The following CSMD3 variants were observed in gnomAD, a reference collection of about 807,000 sequenced individuals.
The protein encoded by CSMD3 is CUB and Sushi multiple domains 3, also known as CUB and sushi domain-containing protein 3.
CSMD3 carries 177 observed loss-of-function variants against 435.2 expected under a neutral mutation model. That is an observed-to-expected ratio of 0.41 (90% CI 0.36 to 0.46). The LOEUF is 0.46. CSMD3 is among the 20% of genes least tolerant of loss of function. CSMD3 has a pLI of 0.34. For missense variants in CSMD3, 4,265 were observed against 4,504.6 expected (o/e 0.95, Z 1.52); for synonymous variants, 1,656 against 1,520.5 (o/e 1.09, Z -2.07).
chr8:113,077,128 G>C (rs2089374208), intron 5 of CSMD3, among the ~76,000 whole-genome samples: 1 of 151,998 alleles, frequency 6.6e-6, no homozygotes. Flanking sequence ...ATACACACGA[G>C]TGCATATAAA....
chr8:112,547,831 GA>G (rs1827322595), intron 27 of CSMD3, among the ~76,000 whole-genome samples: 1 of 152,130 alleles, frequency 6.6e-6, no homozygotes, highest in Admixed American at 6.6e-5. Context: ...TTGAGTTAAT[GA>G]AAAGATGAGT....
At position 112,671,248 on chromosome 8, in the gene CSMD3, GT is replaced by G. The variant is rs1036821479; in HGVS notation, c.2678-4834del. On this transcript the variant is annotated intron_variant, in intron 16 of 70. Coordinates refer to ENST00000297405, the MANE Select transcript of CSMD3 (RefSeq NM_198123.2). ...AGCATTTAGTTTAGAAAACTTGTTTGTTTTTTTTCCTCTGTACCTTTGAAAT... is the reference window on the plus strand; with the variant it reads ...AGCATTTAGTTTAGAAAACTTGTTTGTTTTTTTCCTCTGTACCTTTGAAAT... Among the ~76,000 whole-genome samples, 6 of 151,712 alleles carry G rather than the reference GT, an allele frequency of 4.0e-5. No individual in the cohort carries two copies. The South Asian group carries it at 6.3e-4, about 16-fold the overall frequency.
In CSMD3 at chr8:112,379,513, G is replaced by A. The variant is rs76513827; in HGVS notation, c.6136+839C>T. ...CTGAAAAGCTACTAAATAGTGACGA[G>A]AAAAGATACAAAAGACACAAATAAA... On this transcript the variant is annotated intron_variant, in intron 38 of 70. Coordinates refer to ENST00000297405, the MANE Select transcript of CSMD3 (RefSeq NM_198123.2). Among the ~76,000 whole-genome samples the A allele has an allele frequency of 4.4e-3, 673 of 152,096 alleles. 6 individuals are homozygous for A. The highest frequency in any genetic ancestry group is 0.016 in the African/African-American group (647 of 41,526).
intron 3 of CSMD3, among the ~76,000 whole-genome samples, chr8:113,264,400 T>TTA (rs140774232): frequency 7.3e-4 from 108 of 148,636 alleles, no homozygotes; most frequent in Middle Eastern, 3.5e-3. Flanking sequence ...TCAACTATAT[T>TTA]TATATATATA....
chr8:112,365,467 CCTT>C (rs1351599598), intron 38 of CSMD3, among the ~76,000 whole-genome samples: 15 of 109,804 alleles, frequency 1.4e-4, no homozygotes, highest in African/African-American at 5.0e-4. Flanking sequence ...GCATAGATTT[CCTT>C]TTTTTTTTTT....
chr8:112,635,343 G>A (rs1817793164), intron 22 of CSMD3, among the ~76,000 whole-genome samples: 1 of 151,936 alleles, frequency 6.6e-6, no homozygotes, highest in African/African-American at 2.4e-5. Context: ...AAGTGAATTG[G>A]CCAAATATCA....
chr8:112,723,869 C>A (rs2076911661), intron 13 of CSMD3, among the ~76,000 whole-genome samples: 1 of 151,878 alleles, frequency 6.6e-6, no homozygotes, highest in Non-Finnish European at 1.5e-5. Flanking sequence ...CACACCAATG[C>A]AGTTATTTAA....
At chr8:112,338,706 T>C (rs1824805597) in intron 42 of CSMD3, among the ~76,000 whole-genome samples, 1 of 152,130 alleles carries the variant, frequency 6.6e-6, no homozygotes, top group Non-Finnish European at 1.5e-5. Flanking sequence ...ACAAATTCTT[T>C]AAAATGTTAA....
Position 113,051,332 on chromosome 8 carries a change from A to C in CSMD3, c.918-32153T>G, listed in dbSNP as rs948132155. Among the ~76,000 whole-genome samples the C allele has an allele frequency of 2.0e-5, 3 of 152,042 alleles. No individual in the cohort carries two copies. In the South Asian group the frequency reaches 6.2e-4, roughly 31 times the overall value. On this transcript the variant is annotated intron_variant, in intron 5 of 70. Transcript: ENST00000297405. The stretch of plus-strand genomic sequence containing the variant: ...TTGCCAAATGAGGGTTATTTTTTTT[A>C]ACTAAACTTGCTGATATCTCCAAAA...
chr8:113,071,383 A>G (rs1182052824), intron 5 of CSMD3, among the ~76,000 whole-genome samples: 1 of 151,888 alleles, frequency 6.6e-6, no homozygotes, highest in African/African-American at 2.4e-5. Context: ...CATAGCCAAA[A>G]AAATCATTGC....
At chr8:112,658,250 T>A (rs1056536139) in intron 17 of CSMD3, among the ~76,000 whole-genome samples, 1 of 152,190 alleles carries the variant, frequency 6.6e-6, no homozygotes, top group Non-Finnish European at 1.5e-5. Context: ...ACTTTTACTA[T>A]CATACTTGCC....
intron 17 of CSMD3, among the ~76,000 whole-genome samples, chr8:112,658,544 T>C (rs1467589188): frequency 6.6e-6 from 1 of 152,236 alleles, no homozygotes; most frequent in Non-Finnish European, 1.5e-5. Flanking sequence ...TGTATTTTAC[T>C]TCTAATTTTG....
At chr8:113,110,747 TGAAGATGCTTC>T (rs1280273586) in intron 4 of CSMD3, among the ~76,000 whole-genome samples, 1 of 152,226 alleles carries the variant, frequency 6.6e-6, no homozygotes, top group Non-Finnish European at 1.5e-5. Context: ...TACCTAGTTC[TGAAGATGCTTC>T]CACATGTTTA....
At chr8:112,741,533 C>T (rs374556840) in intron 13 of CSMD3, among the ~76,000 whole-genome samples, 5 of 152,004 alleles carry the variant, frequency 3.3e-5, no homozygotes, top group African/African-American at 1.2e-4. Flanking sequence ...AATAGTGAAG[C>T]CACCATGGAA....
chr8:113,028,932 T>C (rs974503325), intron 5 of CSMD3, among the ~76,000 whole-genome samples: 9 of 151,614 alleles, frequency 5.9e-5, no homozygotes, highest in African/African-American at 2.2e-4. Flanking sequence ...ATGACAGATT[T>C]TCAATGCAGA....
chr8:113,293,390 CT>C (rs1357100339), intron 2 of CSMD3, among the ~76,000 whole-genome samples: 1 of 151,928 alleles, frequency 6.6e-6, no homozygotes, highest in African/African-American at 2.4e-5. Flanking sequence ...TCATTTGCTT[CT>C]GGTAGCAACT....
intron 35 of CSMD3, among the ~76,000 whole-genome samples, chr8:112,397,746 C>T (rs1260031498): frequency 1.3e-5 from 2 of 152,188 alleles, no homozygotes; most frequent in African/African-American, 2.4e-5. Context: ...GCCCCCAATA[C>T]TATCATCTTA....
chr8:112,310,898 G>T, intron 50 of CSMD3, 80 bp downstream of exon 50: 1 of 1,177,540 alleles, frequency 8.5e-7, no homozygotes, highest in East Asian at 2.4e-5. Context: ...TCTCAGAAAA[G>T]TTAGTGATCC....
chr8:112,976,897 A>G (rs17659540), intron 6 of CSMD3, among the ~76,000 whole-genome samples: 89,447 of 151,848 alleles, frequency 0.59, 27,646 homozygotes, highest in East Asian at 0.95. Context: ...TAATTCACAC[A>G]ACGCTAGTTT....
Sources: gnomAD v4.1 joint callset for allele counts (sites outside exome capture counted in the v4.1 genomes callset) on GRCh38, gnomAD v4.1.1 for gene constraint, MANE v1.5 for transcripts, NCBI Gene and HGNC (gene_info 2026-07-23, HGNC 2026-07-21) for gene names.